Variants in SNAP23 observed in about 807,000 individuals in gnomAD.
The protein encoded by SNAP23 is synaptosomal-associated protein 23.
SNAP23 carries 11 observed loss-of-function variants against 29.0 expected under a neutral mutation model. That is an observed-to-expected ratio of 0.38 (90% confidence interval 0.24 to 0.63). The LOEUF (loss-of-function observed/expected upper bound fraction) is 0.63. Among genes scored for constraint, SNAP23 ranks in the 20% least tolerant of loss-of-function variants. The pLI, the probability that SNAP23 is intolerant of heterozygous loss-of-function variation, is 0.58. For synonymous variants in SNAP23, 60 were observed against 82.9 expected (o/e 0.72, Z 1.50); for missense variants, 220 against 253.9 (o/e 0.87, Z 0.91).
At position 42,531,624 on chromosome 15, in the gene SNAP23, C is replaced by A; in HGVS notation, c.*146C>A. ...AAGGGCCAGAGCAGTTACAGCCCTC[C>A]TTCTTTTTTGTTTTCTGTTGAGGGC... is the stretch of plus-strand genomic sequence containing the variant. On this transcript the variant is annotated 3_prime_UTR_variant, in exon 8 of 8. Transcript: ENST00000249647. 1.9e-6 allele frequency: 1 copy of A among 536,820 alleles called. No homozygotes were observed. Among genetic ancestry groups the A allele is most frequent in the East Asian group, 3.2e-5 (1 of 31,694 alleles). The allele number at this position is 536,820 out of a possible 1,614,324, so 33.3% of individuals were successfully genotyped here. A position where few individuals can be genotyped will look rare whatever the true frequency, so the allele number is the denominator to read the frequency against.
chr15:42,513,357 G>T (rs2057372867), intron 3 of SNAP23, 42 bp from the exon 4 acceptor site: 1 of 1,579,644 alleles, frequency 6.3e-7, no homozygotes, highest in Non-Finnish European at 8.7e-7. Context: ...GTTGTTTTTG[G>T]TTTGTTTTGT....
chr15:42,525,264 A>G (rs1250012182), intron 5 of SNAP23, among the ~76,000 whole-genome samples: 1 of 150,328 alleles, frequency 6.7e-6, no homozygotes, highest in Non-Finnish European at 1.5e-5. Flanking sequence ...GCTATTCGGG[A>G]GGCTGAGGCA....
chr15:42,518,144 TC>T (rs1470125980), intron 5 of SNAP23, among the ~76,000 whole-genome samples: 3 of 152,322 alleles, frequency 2.0e-5, no homozygotes, highest in East Asian at 3.9e-4. Flanking sequence ...TTGTCTTTCT[TC>T]CACCTATTTC....
upstream of SNAP23, among the ~76,000 whole-genome samples, chr15:42,492,181 T>G (rs1355266485): frequency 6.7e-6 from 1 of 148,500 alleles, no homozygotes; most frequent in Non-Finnish European, 1.5e-5. Flanking sequence ...TAAGTGCTGG[T>G]ATTACAGGTG....
chr15:42,502,026 C>CT (rs767749240), intron 1 of SNAP23, among the ~76,000 whole-genome samples: 2,608 of 132,402 alleles, frequency 0.02, 55 homozygotes, highest in African/African-American at 0.049. Flanking sequence ...TATATTCTCT[C>CT]TTTTTTTTTT....
chr15:42,508,526 C>A (rs972917619), intron 1 of SNAP23, among the ~76,000 whole-genome samples: 1 of 152,100 alleles, frequency 6.6e-6, no homozygotes, highest in East Asian at 1.9e-4. Flanking sequence ...ACTTGTCTTG[C>A]GTGTTGTCTG....
At chr15:42,496,747 G>A (rs1192735403) in intron 1 of SNAP23, among the ~76,000 whole-genome samples, 1 of 151,940 alleles carries the variant, frequency 6.6e-6, no homozygotes, top group Non-Finnish European at 1.5e-5. Context: ...AGAAATACTC[G>A]AGACTGGGTA....
chr15:42,531,324 C>T lies in SNAP23; in HGVS notation c.571-89C>T, dbSNP rs2057562261. The T allele has an allele frequency of 6.5e-6, 5 of 773,120 alleles. No individual in the cohort carries two copies. The South Asian group carries it at 1.1e-4, about 18-fold the overall frequency. The allele number at this position is 773,120 out of a possible 1,614,324, so 47.9% of individuals were successfully genotyped here. ...AACTTCACGTGGTTTCTTGGATTTT[C>T]TTGGTGTGTCAGTTACTCCAAGTGT... is the stretch of plus-strand genomic sequence containing the variant. On this transcript the variant is annotated intron_variant, in intron 7 of 7. Transcript: ENST00000249647.
intron 5 of SNAP23, among the ~76,000 whole-genome samples, chr15:42,516,950 C>T (rs1224309190): frequency 1.3e-5 from 2 of 152,174 alleles, no homozygotes; most frequent in South Asian, 2.1e-4. Flanking sequence ...GACGGAGTCT[C>T]GCTCTGTCAC....
upstream of SNAP23, among the ~76,000 whole-genome samples, chr15:42,491,889 ATTAT>A (rs764056114): frequency 1.3e-4 from 18 of 142,646 alleles, no homozygotes; most frequent in African/African-American, 2.4e-4. Flanking sequence ...GCCTACATTT[ATTAT>A]TTATTTATTT....
chr15:42,529,267 C>T (rs528402890), intron 6 of SNAP23, among the ~76,000 whole-genome samples: 9 of 152,292 alleles, frequency 5.9e-5, no homozygotes, highest in Non-Finnish European at 1.3e-4. Context: ...TCTCTTAGGG[C>T]AGTGCTTCTT....
chr15:42,521,650 A>G (rs1251253156), intron 5 of SNAP23: 4 of 1,464,782 alleles, frequency 2.7e-6, no homozygotes, highest in Non-Finnish European at 2.8e-6. Flanking sequence ...AACTGATCAA[A>G]GGGAACTTTA....
chr15:42,499,260 C>A (rs2595939), intron 1 of SNAP23, among the ~76,000 whole-genome samples: 3 of 151,874 alleles, frequency 2.0e-5, no homozygotes, highest in Non-Finnish European at 4.4e-5. Flanking sequence ...TAGAGACGGA[C>A]GGGGTTTCTC....
intron 2 of SNAP23, 23 bp from the exon 3 acceptor site, chr15:42,512,932 T>C (rs1595521700): frequency 6.3e-7 from 1 of 1,595,040 alleles, no homozygotes; most frequent in Non-Finnish European, 8.6e-7. Context: ...TTTGGAATGC[T>C]AAAATTCTGT....
intron 5 of SNAP23, among the ~76,000 whole-genome samples, chr15:42,522,876 C>T (rs1250947361): frequency 9.2e-6 from 1 of 108,976 alleles, no homozygotes; most frequent in Non-Finnish European, 1.7e-5. Context: ...GACAGAGTCT[C>T]GTTCTGTCCC....
chr15:42,491,811 G>C (rs367605725), upstream of SNAP23, among the ~76,000 whole-genome samples: 1 of 151,816 alleles, frequency 6.6e-6, no homozygotes, highest in Non-Finnish European at 1.5e-5. Flanking sequence ...CAAACTCCTC[G>C]GCTCAAGTGA....
intron 5 of SNAP23, among the ~76,000 whole-genome samples, chr15:42,516,549 T>G (rs566616300): frequency 2.4e-4 from 36 of 152,244 alleles, no homozygotes; most frequent in African/African-American, 7.7e-4. Context: ...CAGGATGGTC[T>G]TGATCTCTTG....
intron 5 of SNAP23, among the ~76,000 whole-genome samples, chr15:42,521,099 C>G (rs909332856): frequency 4.6e-5 from 7 of 152,178 alleles, no homozygotes; most frequent in Admixed American, 6.6e-5. Flanking sequence ...TTTTATTTAT[C>G]ATGACATGAT....
rs752918701 is a variant in SNAP23, at chr15:42,529,807, A to G, written c.558A>G (p.Arg186=). ...EIDAQNPQIK[R]ITDKADTNRD... ...ATGCTCAAAATCCACAAATAAAACG[A>G]ATCACAGACAAGGTAAAAGCTTTTT... The change falls in exon 7 of 8, where the codon CGA becomes CGG. Residue 186 remains arginine (R), a synonymous_variant. Transcript: ENST00000249647. The G allele has an allele frequency of 6.2e-7, 1 of 1,611,574 alleles. No individual in the cohort carries two copies. Among genetic ancestry groups the G allele is most frequent in the South Asian group, 1.1e-5 (1 of 90,674 alleles).
Sources: gnomAD v4.1 joint callset for allele counts (sites outside exome capture counted in the v4.1 genomes callset) on GRCh38, gnomAD v4.1.1 for gene constraint, MANE v1.5 for transcripts, NCBI Gene and HGNC (gene_info 2026-07-23, HGNC 2026-07-21) for gene names.